Variants in CHN2 observed in about 807,000 individuals in gnomAD.
CHN2 encodes the protein beta-chimaerin.
Under a neutral mutation model 56.3 loss-of-function variants are expected in CHN2, and 35 were observed. That is an observed-to-expected ratio of 0.62 (90% confidence interval 0.47 to 0.82). The LOEUF (loss-of-function observed/expected upper bound fraction) is 0.82. Among genes scored for constraint, CHN2 ranks in the 40% least tolerant of loss-of-function variants. The probability of loss-of-function intolerance (pLI) is 0.00; values close to 1 mark genes in which losing one functional copy is unlikely to be tolerated. For missense variants in CHN2, 491 were observed against 580.5 expected (o/e 0.85, Z 1.58); for synonymous variants, 210 against 212.8 (o/e 0.99, Z 0.12).
chr7:29,170,762 T>TTA (rs1796494369), intron 2 of CHN2, among the ~76,000 whole-genome samples: 1 of 152,210 alleles, frequency 6.6e-6, no homozygotes, highest in South Asian at 2.1e-4. Flanking sequence ...TTAATTGGAC[T>TTA]TATAGTTCCA....
At chr7:29,296,558 C>CT (rs753074603) in intron 1 of CHN2, among the ~76,000 whole-genome samples, 4 of 152,130 alleles carry the variant, frequency 2.6e-5, no homozygotes, top group Non-Finnish European at 4.4e-5. Flanking sequence ...AGGAAGGGTA[C>CT]CTTCAAGAGA....
At chr7:29,240,752 G>A (rs1199340011) in intron 1 of CHN2, among the ~76,000 whole-genome samples, 2 of 152,222 alleles carry the variant, frequency 1.3e-5, no homozygotes, top group South Asian at 2.1e-4. Flanking sequence ...ACAAGGTGTG[G>A]TGTTGCAGGA....
chr7:29,388,149 G>T (rs773322902), intron 3 of CHN2, among the ~76,000 whole-genome samples: 1 of 152,134 alleles, frequency 6.6e-6, no homozygotes, highest in Non-Finnish European at 1.5e-5. Context: ...GCTTTGCTGC[G>T]CTATACATTT....
intron 6 of CHN2, among the ~76,000 whole-genome samples, chr7:29,443,493 A>G (rs900652384): frequency 2.6e-5 from 4 of 152,238 alleles, no homozygotes; most frequent in Non-Finnish European, 5.9e-5. Context: ...TATCTCTGTC[A>G]TTAAGCAATA....
chr7:29,219,390 A>G (rs1465698257), intron 1 of CHN2, among the ~76,000 whole-genome samples: 1 of 152,200 alleles, frequency 6.6e-6, no homozygotes, highest in African/African-American at 2.4e-5. Flanking sequence ...ATTTTTAAAA[A>G]CACTTGAATG....
At chr7:29,349,800 A>G (rs1797740201) in intron 1 of CHN2, among the ~76,000 whole-genome samples, 1 of 152,124 alleles carries the variant, frequency 6.6e-6, no homozygotes, top group South Asian at 2.1e-4. Flanking sequence ...TTCTGCGTTC[A>G]AGGATAATTT....
intron 6 of CHN2, among the ~76,000 whole-genome samples, chr7:29,411,044 A>G (rs532955509): frequency 6.6e-5 from 10 of 152,320 alleles, no homozygotes; most frequent in African/African-American, 2.2e-4. Context: ...GATCAAATAA[A>G]CATTTCTCTA....
In CHN2 at chr7:29,374,757, C is replaced by T. The variant is rs142525051; in HGVS notation, c.144+6770C>T. Among the ~76,000 whole-genome samples, 12 of 151,714 alleles carry T rather than the reference C, an allele frequency of 7.9e-5. No individual in the cohort carries two copies. The East Asian group carries it at 2.1e-3, about 27-fold the overall frequency. ...AGTGATTGATAATAGGCAAAGTTTC[C>T]GGAGAAGATTCTTCAATCTCTCTGG... On this transcript the variant is annotated intron_variant, in intron 3 of 12. Coordinates refer to ENST00000222792, the MANE Select transcript of CHN2 (RefSeq NM_004067.4).
intron 6 of CHN2, among the ~76,000 whole-genome samples, chr7:29,455,947 A>G (rs575480003): frequency 2.6e-5 from 4 of 152,318 alleles, no homozygotes; most frequent in African/African-American, 4.8e-5. Context: ...TCCAATCTCA[A>G]CTAAACTTTG....
At chr7:29,407,768 G>A (rs897370178) in intron 6 of CHN2, among the ~76,000 whole-genome samples, 3 of 152,188 alleles carry the variant, frequency 2.0e-5, no homozygotes, top group Non-Finnish European at 4.4e-5. Context: ...GTTTTGCCAA[G>A]CATTGTTTTA....
chr7:29,173,237 C>T (rs1732020627), intron 2 of CHN2, among the ~76,000 whole-genome samples: 2 of 151,874 alleles, frequency 1.3e-5, no homozygotes, highest in South Asian at 4.2e-4. Flanking sequence ...GGCCAGAAAG[C>T]TAAGCAGGAA....
intron 2 of CHN2, among the ~76,000 whole-genome samples, chr7:29,149,977 T>C (rs949339360): frequency 1.1e-4 from 17 of 152,348 alleles, no homozygotes; most frequent in African/African-American, 3.6e-4. Flanking sequence ...ACTGCTGCAA[T>C]AGATATTTTT....
intron 7 of CHN2, among the ~76,000 whole-genome samples, chr7:29,494,917 C>T (rs1789077230): frequency 9.1e-6 from 1 of 110,364 alleles, no homozygotes; most frequent in Admixed American, 1.3e-4. Context: ...CCACACTCAT[C>T]ATCCTGCTTT....
At chr7:29,272,905 A>G (rs746939933) in intron 1 of CHN2, among the ~76,000 whole-genome samples, 2 of 152,210 alleles carry the variant, frequency 1.3e-5, no homozygotes, top group Non-Finnish European at 2.9e-5. Flanking sequence ...AGCATCTCAC[A>G]GAATTACATT....
At chr7:29,391,348 G>A (rs1322010233) in intron 3 of CHN2, among the ~76,000 whole-genome samples, 1 of 143,606 alleles carries the variant, frequency 7.0e-6, no homozygotes, top group Non-Finnish European at 1.6e-5. Context: ...AGGAAGGGAG[G>A]GGAGGGGAGG....
intron 1 of CHN2, chr7:29,146,823 A>G: frequency 6.4e-7 from 1 of 1,550,586 alleles, no homozygotes; most frequent in African/African-American, 1.4e-5. Flanking sequence ...TCAACCCTGT[A>G]TTTTGAAATT....
intron 2 of CHN2, among the ~76,000 whole-genome samples, chr7:29,365,895 C>T (rs1168556471): frequency 6.6e-6 from 1 of 152,164 alleles, no homozygotes; most frequent in Non-Finnish European, 1.5e-5. Flanking sequence ...GAGTCCAGAA[C>T]TTGGAGTAGG....
At chr7:29,152,736 TA>T (rs1033742394) in intron 2 of CHN2, among the ~76,000 whole-genome samples, 1 of 152,220 alleles carries the variant, frequency 6.6e-6, no homozygotes, top group African/African-American at 2.4e-5. Flanking sequence ...TTGGAAGAGT[TA>T]ACGCCATTTT....
chr7:29,378,845 G>A (rs1050583134), intron 3 of CHN2, among the ~76,000 whole-genome samples: 1 of 152,162 alleles, frequency 6.6e-6, no homozygotes, highest in Non-Finnish European at 1.5e-5. Context: ...CATGCCTGTA[G>A]TACCAGCTAC....
Sources: allele counts gnomAD v4.1 joint callset (sites outside exome capture counted in the v4.1 genomes callset), GRCh38; gene constraint gnomAD v4.1.1; transcripts MANE v1.5; gene names NCBI Gene and HGNC (gene_info 2026-07-23, HGNC 2026-07-21).